The following MGST1 variants were observed in gnomAD, a reference collection of about 807,000 sequenced individuals.
MGST1 encodes the protein microsomal glutathione S-transferase 1, also known as glutathione S-transferase 12.
A neutral mutation model predicts 8.9 loss-of-function variants in MGST1; 5 were observed. The ratio of observed to expected loss-of-function variants is 0.56; its 90% confidence interval spans 0.29 to 1.19. MGST1 has a LOEUF of 1.19. Ranked by LOEUF, MGST1 falls within the 50% of genes most tolerant of loss-of-function variation. The pLI is 0.08. For missense variants in MGST1, 182 were observed against 187.4 expected, an observed-to-expected ratio of 0.97 and a Z score of 0.17; for synonymous variants, 54 against 67.8, an observed-to-expected ratio of 0.80 and a Z score of 1.00.
In MGST1 at chr12:16,500,576, A is replaced by C. The variant is rs7131736; in HGVS notation, n.483-88952A>C. On this transcript the variant is annotated intron_variant and non_coding_transcript_variant, in intron 4 of 4. Coordinates refer to the MGST1 transcript ENST00000538857. The surrounding 1 kb of genome is among the most constrained non-coding windows in gnomAD (Gnocchi z 4.3). ...TGATGGTGGTGCTTACTCCCCTAAA[A>C]CTCTACAGTTGTTACTTCAAAGATT... Among the ~76,000 whole-genome samples, 31,159 of 152,016 alleles carry C rather than the reference A, an allele frequency of 0.2. 3,566 individuals carry two copies. Among genetic ancestry groups the C allele is most frequent in the East Asian group, 0.39 (2,010 of 5,174 alleles).
intron 4 of MGST1, among the ~76,000 whole-genome samples, chr12:16,581,802 T>C (rs1387569574): frequency 6.6e-6 from 1 of 152,104 alleles, no homozygotes; most frequent in African/African-American, 2.4e-5. Context: ...ATTTTAATAA[T>C]TGTATTACTA....
rs1199721656 is a variant in MGST1 at position 16,500,434 on chromosome 12, T to G, written n.483-89094T>G. Among the ~76,000 whole-genome samples, 1 of 152,246 alleles carries G rather than the reference T, an allele frequency of 6.6e-6. No homozygotes were observed. Among genetic ancestry groups the G allele is most frequent in the African/African-American group, 2.4e-5 (1 of 41,482 alleles). On this transcript the variant is annotated intron_variant and non_coding_transcript_variant, in intron 4 of 4. Coordinates refer to the MGST1 transcript ENST00000538857. This position sits in a 1 kb window ranked among gnomAD's most constrained non-coding sequence, Gnocchi z 4.3. ...ACATTTCAAGCAGTTTCAACTCTTT[T>G]AATTAGAATTTATTTTTAGATATTT...
At chr12:16,556,875 C>A (rs1420985100) in intron 4 of MGST1, among the ~76,000 whole-genome samples, 1 of 152,086 alleles carries the variant, frequency 6.6e-6, no homozygotes. Context: ...TGTGCATAAC[C>A]GGCACTAAAG....
rs1213726259 is a variant in MGST1, at chr12:16,560,266, G to C, written n.483-29262G>C. ...AGACCTTTCTTCTCCTTAGTAGCTT[G>C]TCTCTGGCATGGGATTAAAGTTTAC... On this transcript the variant is annotated intron_variant and non_coding_transcript_variant, in intron 4 of 4. Coordinates refer to the MGST1 transcript ENST00000538857. This position sits in a 1 kb window ranked among gnomAD's most constrained non-coding sequence, Gnocchi z 5.0. 1.3e-6 allele frequency: 1 copy of C among 777,054 alleles called. No homozygotes were observed. Among genetic ancestry groups the C allele is most frequent in the Non-Finnish European group, 1.9e-6 (1 of 520,958 alleles). The allele number at this position is 777,054 out of a possible 1,614,324, so 48.1% of individuals were successfully genotyped here. A position where few individuals can be genotyped will look rare whatever the true frequency, so the allele number is the denominator to read the frequency against.
At chr12:16,412,514 T>C (rs1438818848) in intron 1 of MGST1, among the ~76,000 whole-genome samples, 2 of 152,170 alleles carry the variant, frequency 1.3e-5, no homozygotes, top group African/African-American at 4.8e-5. Flanking sequence ...AAATAGGCTT[T>C]TGGAGCCTGA....
At chr12:16,366,628 T>TACACACACACACAC (rs374809283), downstream of MGST1, among the ~76,000 whole-genome samples, 1 of 83,924 alleles carries the variant, frequency 1.2e-5, no homozygotes, top group Non-Finnish European at 2.1e-5. The surrounding 1 kb of genome is among the most constrained non-coding windows in gnomAD (Gnocchi z 4.0). Flanking sequence ...TATCTGTGTG[T>TACACACACACACAC]ACACACACAC....
intron 4 of MGST1, among the ~76,000 whole-genome samples, chr12:16,453,123 T>G (rs1941142916): frequency 6.6e-6 from 1 of 151,938 alleles, no homozygotes; most frequent in African/African-American, 2.4e-5. Flanking sequence ...AACAAGCCAG[T>G]GTGACATGAA....
intron 1 of MGST1, chr12:16,400,010 T>C: frequency 2.0e-6 from 3 of 1,536,948 alleles, no homozygotes; most frequent in Non-Finnish European, 2.7e-6. Context: ...GGAGCTCTGT[T>C]AAATCCCAAG....
At chr12:16,399,408 T>C (rs1434302917) in intron 1 of MGST1, 1 of 1,511,738 alleles carries the variant, frequency 6.6e-7, no homozygotes, top group Non-Finnish European at 9.2e-7. Context: ...TTCTTCTTCT[T>C]CCTTATAACA....
At chr12:16,441,713 A>C (rs913614835), downstream of MGST1, among the ~76,000 whole-genome samples, 1 of 151,796 alleles carries the variant, frequency 6.6e-6, no homozygotes, top group South Asian at 2.1e-4. Context: ...TTGGTGTATC[A>C]TCACAGTTCA....
At chr12:16,504,220 T>C (rs1941523003) in intron 4 of MGST1, among the ~76,000 whole-genome samples, 1 of 152,202 alleles carries the variant, frequency 6.6e-6, no homozygotes, top group Non-Finnish European at 1.5e-5. Flanking sequence ...CTAAATGTTG[T>C]GTGATATTCA....
chr12:16,450,839 CGTGTGTGTGTGTGT>C (rs66984063), intron 4 of MGST1, among the ~76,000 whole-genome samples: 5 of 147,990 alleles, frequency 3.4e-5, no homozygotes, highest in South Asian at 2.2e-4. Flanking sequence ...ATATATATTC[CGTGTGTGTGTGTGT>C]GTGTGTGTGT....
At chr12:16,558,291 T>A (rs1327942355) in intron 4 of MGST1, among the ~76,000 whole-genome samples, 1 of 152,046 alleles carries the variant, frequency 6.6e-6, no homozygotes, top group Non-Finnish European at 1.5e-5. Flanking sequence ...TGGGACAATG[T>A]CTTGTTTTTA....
At chr12:16,510,674 C>T (rs991976599) in intron 4 of MGST1, among the ~76,000 whole-genome samples, 13 of 152,100 alleles carry the variant, frequency 8.5e-5, no homozygotes, top group Admixed American at 3.3e-4. Context: ...ATCCAGAAAC[C>T]GTAGTTTTTC....
chr12:16,517,937 ATGT>A lies in MGST1; in HGVS notation n.483-71586_483-71584del, dbSNP rs1941625196. Reference sequence around the variant, plus strand: ...TCATTTGATGTGATAAAACAATCAAATGTTGTTCTTCACACCCAAGGACCAGAC... The same window carrying A: ...TCATTTGATGTGATAAAACAATCAAATGTTCTTCACACCCAAGGACCAGAC... On this transcript the variant is annotated intron_variant and non_coding_transcript_variant, in intron 4 of 4. Transcript: ENST00000538857. This position sits in a 1 kb window ranked among gnomAD's most constrained non-coding sequence, Gnocchi z 4.2. Among the ~76,000 whole-genome samples the A allele has an allele frequency of 6.6e-6, 1 of 152,192 alleles. No individual in the cohort carries two copies.
intron 1 of MGST1, among the ~76,000 whole-genome samples, chr12:16,423,289 A>G (rs943972524): frequency 6.6e-6 from 1 of 152,214 alleles, no homozygotes; most frequent in Non-Finnish European, 1.5e-5. Flanking sequence ...CAGACCTGGC[A>G]TGTAACAATC....
In MGST1 at chr12:16,546,281, G is replaced by C. The variant is rs1464659381; in HGVS notation, n.483-43247G>C. On this transcript the variant is annotated intron_variant and non_coding_transcript_variant, in intron 4 of 4. Transcript: ENST00000538857. This position sits in a 1 kb window ranked among gnomAD's most constrained non-coding sequence, Gnocchi z 4.7. ...ATTATGTATTATCTGAATGTCTCTTGTTCCCATTTTAATTTGTACTATGGC... is the reference window on the plus strand; with the variant it reads ...ATTATGTATTATCTGAATGTCTCTTCTTCCCATTTTAATTTGTACTATGGC... Among the ~76,000 whole-genome samples, 2 of 152,110 alleles carry C rather than the reference G, an allele frequency of 1.3e-5. No individual in the cohort carries two copies. Among genetic ancestry groups the C allele is most frequent in the African/African-American group, 4.8e-5 (2 of 41,438 alleles).
intron 1 of MGST1, among the ~76,000 whole-genome samples, chr12:16,417,551 C>A (rs1940798075): frequency 6.6e-6 from 1 of 152,046 alleles, no homozygotes; most frequent in Admixed American, 6.6e-5. Context: ...TGACCAGTGC[C>A]CTGCCAATGG....
At chr12:16,511,527 C>G (rs538080773) in intron 4 of MGST1, among the ~76,000 whole-genome samples, 1 of 152,154 alleles carries the variant, frequency 6.6e-6, no homozygotes, top group South Asian at 2.1e-4. Flanking sequence ...TTTTTTCTCT[C>G]TAGTCACAAA....
Sources: gnomAD v4.1 joint callset for allele counts (sites outside exome capture counted in the v4.1 genomes callset) on GRCh38, gnomAD v4.1.1 for gene constraint, Gnocchi (gnomAD v3.1) non-coding constraint, MANE v1.5 for transcripts, NCBI Gene and HGNC (gene_info 2026-07-23, HGNC 2026-07-21) for gene names.